The following ASXL2 variants were observed in gnomAD, a reference collection of about 807,000 sequenced individuals.
ASXL2 encodes putative Polycomb group protein ASXL2.
Under a neutral mutation model 122.0 loss-of-function variants are expected in ASXL2, and 23 were observed. That is an observed-to-expected ratio of 0.19 (90% confidence interval 0.14 to 0.27). The LOEUF (loss-of-function observed/expected upper bound fraction) is 0.27, where lower values mean the gene tolerates loss of function less well. Ranked by LOEUF, ASXL2 falls within the 10% of genes least tolerant of loss-of-function variation. The pLI, the probability that ASXL2 is intolerant of heterozygous loss-of-function variation, is 1.00. For missense variants in ASXL2, 1,518 were observed against 1,713.8 expected (o/e 0.89, Z 2.02); for synonymous variants, 650 against 637.0 (o/e 1.02, Z -0.31).
chr2:25,807,986 TACACACACACACACAC>T (rs147273836), intron 3 of ASXL2, among the ~76,000 whole-genome samples: 3 of 131,728 alleles, frequency 2.3e-5, no homozygotes, highest in Non-Finnish European at 4.9e-5. Flanking sequence ...AATCAGCTTT[TACACACACACACACAC>T]ACACACACAC....
intron 3 of ASXL2, among the ~76,000 whole-genome samples, chr2:25,825,109 C>G (rs2089361286): frequency 6.6e-6 from 1 of 152,176 alleles, no homozygotes; most frequent in Non-Finnish European, 1.5e-5. Context: ...TTCTTAACCA[C>G]CCATCACTGT....
At chr2:25,830,699 A>T (rs1450182360) in intron 3 of ASXL2, 1 of 151,856 alleles carries the variant, frequency 6.6e-6, no homozygotes, top group East Asian at 1.9e-4. Flanking sequence ...AGAACTACTT[A>T]AAATTCTTTT....
chr2:25,858,227 TA>T (rs2089803323), intron 1 of ASXL2, among the ~76,000 whole-genome samples: 1 of 152,184 alleles, frequency 6.6e-6, no homozygotes, highest in Non-Finnish European at 1.5e-5. Context: ...CTGATTCTTT[TA>T]AATTGATAAT....
chr2:25,763,642 G>T (rs1460227244), intron 8 of ASXL2, among the ~76,000 whole-genome samples: 3 of 152,164 alleles, frequency 2.0e-5, no homozygotes, highest in Non-Finnish European at 4.4e-5. Flanking sequence ...TGCAGTAAGA[G>T]CAACAGCAGC....
intron 1 of ASXL2, among the ~76,000 whole-genome samples, chr2:25,849,428 G>C (rs1399401159): frequency 7.1e-6 from 1 of 140,636 alleles, no homozygotes; most frequent in Non-Finnish European, 1.5e-5. Flanking sequence ...ACTCTAGCCT[G>C]GATGAAAGAG....
intron 4 of ASXL2, among the ~76,000 whole-genome samples, chr2:25,800,536 T>C (rs2088980414): frequency 6.6e-6 from 1 of 152,190 alleles, no homozygotes; most frequent in South Asian, 2.1e-4. Context: ...AAAGAAATCA[T>C]TTAACAAATC....
At chr2:25,802,213 T>C (rs2089010175) in intron 4 of ASXL2, among the ~76,000 whole-genome samples, 1 of 152,232 alleles carries the variant, frequency 6.6e-6, no homozygotes, top group Non-Finnish European at 1.5e-5. Context: ...CATTCCTTTA[T>C]TCAAAATTAA....
At chr2:25,792,640 T>C (rs150123996) in intron 5 of ASXL2, among the ~76,000 whole-genome samples, 316 of 152,168 alleles carry the variant, frequency 2.1e-3, no homozygotes, top group African/African-American at 7.3e-3. Context: ...TCTCACTTTG[T>C]CGCCCAGGCT....
chr2:25,779,257 T>C (rs2088595808), intron 5 of ASXL2, among the ~76,000 whole-genome samples: 1 of 151,568 alleles, frequency 6.6e-6, no homozygotes, highest in African/African-American at 2.4e-5. Flanking sequence ...CCACCATGCC[T>C]ACCTAATTTT....
At chr2:25,869,930 G>C (rs924266287) in intron 1 of ASXL2, among the ~76,000 whole-genome samples, 4 of 149,578 alleles carry the variant, frequency 2.7e-5, no homozygotes, top group Non-Finnish European at 4.5e-5. Context: ...AAAAAAGAAA[G>C]AAACATTGAA....
At chr2:25,745,953 A>G (rs55946759) in intron 12 of ASXL2, among the ~76,000 whole-genome samples, 41,738 of 152,006 alleles carry the variant, frequency 0.27, 6,055 homozygotes, top group African/African-American at 0.32. Context: ...GCTGAAACCA[A>G]TGATTTTCAT....
intron 3 of ASXL2, among the ~76,000 whole-genome samples, chr2:25,820,614 C>T (rs571670100): frequency 5.3e-5 from 8 of 152,240 alleles, no homozygotes; most frequent in Non-Finnish European, 1.0e-4. Flanking sequence ...CAGCATTACC[C>T]GTATCCAGTA....
At chr2:25,877,757 G>C (rs1350703864) in intron 1 of ASXL2, among the ~76,000 whole-genome samples, 1 of 152,128 alleles carries the variant, frequency 6.6e-6, no homozygotes, top group Non-Finnish European at 1.5e-5. Flanking sequence ...CTCCTTTCCG[G>C]GGCTGGATGC....
At chr2:25,857,046 A>G (rs2089787696) in intron 1 of ASXL2, 1 of 123,762 alleles carries the variant, frequency 8.1e-6, no homozygotes, top group Admixed American at 1.2e-4. Context: ...GTCTCTAGCA[A>G]TTTATCATCA....
chr2:25,753,128 C>T (rs1009098070), intron 11 of ASXL2, among the ~76,000 whole-genome samples: 1 of 151,486 alleles, frequency 6.6e-6, no homozygotes, highest in African/African-American at 2.4e-5. Flanking sequence ...CCACCACGCC[C>T]AACTAATTTT....
chr2:25,852,007 A>G (rs562199070), intron 1 of ASXL2, among the ~76,000 whole-genome samples: 3 of 151,712 alleles, frequency 2.0e-5, no homozygotes, highest in Admixed American at 6.6e-5. Context: ...TTGGCCACAT[A>G]TATTACTGAG....
intron 5 of ASXL2, among the ~76,000 whole-genome samples, chr2:25,789,704 CT>C (rs2088803344): frequency 6.6e-6 from 1 of 152,162 alleles, no homozygotes; most frequent in Admixed American, 6.5e-5. Context: ...GGATTTTGAA[CT>C]TTCTGAATTT....
chr2:25,844,383 A>ATTCT lies in ASXL2; in HGVS notation c.140+1097_140+1098insAGAA, dbSNP rs1259522968. 9.1e-4 allele frequency among the ~76,000 whole-genome samples: 139 copies of ATTCT among 152,170 alleles called. 1 individual carries two copies. In the East Asian group the frequency reaches 0.021, roughly 24 times the overall value. On this transcript the variant is annotated intron_variant, in intron 2 of 12. Transcript: ENST00000435504. ...ATTGCCTGAGCTCAGGAGTCTGAGA[A>ATTCT]CAGCCTGGGCAAAATGGTGAAACCC...
intron 1 of ASXL2, among the ~76,000 whole-genome samples, chr2:25,877,545 G>C (rs1358800490): frequency 2.6e-5 from 4 of 151,092 alleles, no homozygotes; most frequent in African/African-American, 7.4e-5. Context: ...AGGTCTCTAC[G>C]GAAACAGGAA....
Sources: gnomAD v4.1 joint callset for allele counts (sites outside exome capture counted in the v4.1 genomes callset) on GRCh38, gnomAD v4.1.1 for gene constraint, MANE v1.5 for transcripts, NCBI Gene and HGNC (gene_info 2026-07-23, HGNC 2026-07-21) for gene names.